KCNQ3: variants seen among roughly 807,000 people sequenced by gnomAD.
KCNQ3 encodes potassium voltage-gated channel subfamily Q member 3.
A neutral mutation model predicts 92.5 loss-of-function variants in KCNQ3; 30 were observed. The ratio of observed to expected loss-of-function variants is 0.32; its 90% CI spans 0.24 to 0.44. The LOEUF (loss-of-function observed/expected upper bound fraction) is 0.44. Among genes scored for constraint, KCNQ3 ranks in the 20% least tolerant of loss-of-function variants. The pLI is 1.00. For missense variants in KCNQ3, 913 were observed against 1,140.3 expected, an observed-to-expected ratio of 0.80 and a Z score of 2.87; for synonymous variants, 450 against 468.8, an observed-to-expected ratio of 0.96 and a Z score of 0.52.
At chr8:132,178,277 C>A (rs1826635759) in intron 4 of KCNQ3, among the ~76,000 whole-genome samples, 1 of 152,150 alleles carries the variant, frequency 6.6e-6, no homozygotes, top group Non-Finnish European at 1.5e-5. Flanking sequence ...AAGAAAGGGG[C>A]CTGTAAAGCA....
At chr8:132,417,525 T>G (rs1334904002) in intron 1 of KCNQ3, among the ~76,000 whole-genome samples, 4 of 152,196 alleles carry the variant, frequency 2.6e-5, no homozygotes, top group Non-Finnish European at 4.4e-5. Context: ...ACCCAGCACA[T>G]GGACAGCCAT....
intron 1 of KCNQ3, among the ~76,000 whole-genome samples, chr8:132,190,644 A>G (rs957572173): frequency 6.6e-6 from 1 of 152,252 alleles, no homozygotes; most frequent in African/African-American, 2.4e-5. Context: ...GATCCAGAGA[A>G]GAACAAGTCC....
intron 9 of KCNQ3, among the ~76,000 whole-genome samples, chr8:132,143,859 G>A (rs2469614): frequency 0.84 from 128,226 of 152,160 alleles, 54,335 homozygotes; most frequent in Middle Eastern, 0.89. Context: ...AATGAGTTTG[G>A]GAGATTCATA....
intron 8 of KCNQ3, among the ~76,000 whole-genome samples, chr8:132,169,630 C>T (rs1372386457): frequency 6.6e-6 from 1 of 152,092 alleles, no homozygotes; most frequent in Non-Finnish European, 1.5e-5. Context: ...CAGGGTGGCT[C>T]ATTGTGTGGG....
intron 6 of KCNQ3, among the ~76,000 whole-genome samples, chr8:132,173,358 C>T (rs1229130782): frequency 2.6e-5 from 4 of 151,970 alleles, no homozygotes; most frequent in Admixed American, 1.3e-4. Context: ...GGAAAAAAAC[C>T]GACAAGGTAG....
In KCNQ3 at chr8:132,480,656, G is replaced by A; in HGVS notation, c.-124C>T. 4.8e-6 allele frequency: 5 copies of A among 1,034,610 alleles called. No individual in the cohort carries two copies. The highest frequency in any genetic ancestry group is 5.0e-5 in the South Asian group (2 of 39,612). The allele number at this position is 1,034,610 out of a possible 1,614,324, so 64.1% of individuals were successfully genotyped here. A position where few individuals can be genotyped will look rare whatever the true frequency, so the allele number is the denominator to read the frequency against. On this transcript the variant is annotated 5_prime_UTR_variant, in exon 1 of 15. Transcript: ENST00000388996. The stretch of plus-strand genomic sequence containing the variant: ...CCCGGGAACTCCAATGCCATGATCC[G>A]CGCGCCCCTCCCCACCCCCCCCCAA...
chr8:132,293,230 T>A (rs1816910989), intron 1 of KCNQ3, among the ~76,000 whole-genome samples: 1 of 152,172 alleles, frequency 6.6e-6, no homozygotes, highest in Admixed American at 6.5e-5. Flanking sequence ...TTCTAGCAAA[T>A]CAATCGAACT....
intron 1 of KCNQ3, among the ~76,000 whole-genome samples, chr8:132,353,584 CAGGCGGATCA>C (rs1818936060): frequency 6.6e-6 from 1 of 152,176 alleles, no homozygotes; most frequent in Non-Finnish European, 1.5e-5. Context: ...GCAGCTGAAG[CAGGCGGATCA>C]TCTGAGGTCA....
chr8:132,413,017 A>C (rs866275816), intron 1 of KCNQ3, among the ~76,000 whole-genome samples: 1 of 152,254 alleles, frequency 6.6e-6, no homozygotes, highest in Non-Finnish European at 1.5e-5. Context: ...TAGGCTCTCA[A>C]GAAGTATTTC....
At chr8:132,148,048 A>G (rs1825506253) in intron 9 of KCNQ3, among the ~76,000 whole-genome samples, 1 of 151,986 alleles carries the variant, frequency 6.6e-6, no homozygotes, top group Non-Finnish European at 1.5e-5. Flanking sequence ...TTGGTGTCCT[A>G]TTTTTCTCTC....
intron 1 of KCNQ3, among the ~76,000 whole-genome samples, chr8:132,313,163 A>C (rs1364289795): frequency 2.0e-5 from 3 of 152,224 alleles, no homozygotes; most frequent in Non-Finnish European, 2.9e-5. Flanking sequence ...AATTAAGGGG[A>C]GAATAAAGAA....
chr8:132,301,635 T>A (rs1244777894), intron 1 of KCNQ3, among the ~76,000 whole-genome samples: 2 of 152,168 alleles, frequency 1.3e-5, no homozygotes, highest in Non-Finnish European at 2.9e-5. Context: ...GGGTGATTGA[T>A]GGGATCAGGA....
intron 1 of KCNQ3, among the ~76,000 whole-genome samples, chr8:132,267,662 A>T (rs1816030972): frequency 6.6e-6 from 1 of 152,204 alleles, no homozygotes. Flanking sequence ...ATATTAACGT[A>T]TATATCAGAA....
chr8:132,135,270 C>T (rs1274867461), intron 12 of KCNQ3, among the ~76,000 whole-genome samples: 2 of 152,090 alleles, frequency 1.3e-5, no homozygotes, highest in Non-Finnish European at 2.9e-5. Context: ...TTTATGGCTG[C>T]GTATTACTCT....
intron 1 of KCNQ3, among the ~76,000 whole-genome samples, chr8:132,188,471 G>A (rs1011044771): frequency 3.3e-5 from 5 of 152,114 alleles, no homozygotes; most frequent in South Asian, 2.1e-4. Flanking sequence ...TATGACCTGC[G>A]TGTTCTTAGA....
At chr8:132,227,734 T>C (rs1345758667) in intron 1 of KCNQ3, among the ~76,000 whole-genome samples, 1 of 152,200 alleles carries the variant, frequency 6.6e-6, no homozygotes, top group Non-Finnish European at 1.5e-5. Flanking sequence ...TCTCAGTTCC[T>C]CATTTGTTCT....
intron 1 of KCNQ3, among the ~76,000 whole-genome samples, chr8:132,213,535 C>T (rs1052871531): frequency 5.3e-5 from 8 of 152,188 alleles, no homozygotes; most frequent in African/African-American, 1.7e-4. Context: ...GGACCCAAGA[C>T]CCAATCCAAT....
chr8:132,206,909 T>C (rs1813678501), intron 1 of KCNQ3, among the ~76,000 whole-genome samples: 1 of 152,192 alleles, frequency 6.6e-6, no homozygotes, highest in Non-Finnish European at 1.5e-5. Flanking sequence ...CTTGCTTTTC[T>C]AGTTCTTTAA....
chr8:132,245,468 T>C (rs776957141), intron 1 of KCNQ3, among the ~76,000 whole-genome samples: 2 of 152,196 alleles, frequency 1.3e-5, no homozygotes, highest in Non-Finnish European at 2.9e-5. Context: ...ATCTAATGTG[T>C]TTAGCATATG....
Sources: gnomAD v4.1 joint callset for allele counts (sites outside exome capture counted in the v4.1 genomes callset) on GRCh38, gnomAD v4.1.1 for gene constraint, MANE v1.5 for transcripts, NCBI Gene and HGNC (gene_info 2026-07-23, HGNC 2026-07-21) for gene names.